The following GRM7 variants were observed in gnomAD, a reference collection of about 807,000 sequenced individuals.
GRM7 encodes glutamate metabotropic receptor 7, also known as metabotropic glutamate receptor 7.
In GRM7, 35 loss-of-function variants were observed where a neutral mutation model predicts 84.5. The observed-to-expected ratio is 0.41, with a 90% CI of 0.32 to 0.55. The LOEUF is 0.55. Ranked by LOEUF, GRM7 falls within the 20% of genes least tolerant of loss-of-function variation. The pLI is 0.19. For synonymous variants in GRM7, 487 were observed against 455.1 expected (o/e 1.07, Z -0.89); for missense variants, 1,003 against 1,194.6 (o/e 0.84, Z 2.36).
chr3:7,054,609 AG>A (rs2124960240), intron 1 of GRM7, among the ~76,000 whole-genome samples: 1 of 152,052 alleles, frequency 6.6e-6, no homozygotes, highest in Non-Finnish European at 1.5e-5. Context: ...GGTTGAAGAA[AG>A]TCACTTCTGT....
intron 5 of GRM7, among the ~76,000 whole-genome samples, chr3:7,425,156 G>A (rs1696555216): frequency 6.6e-6 from 1 of 152,130 alleles, no homozygotes; most frequent in African/African-American, 2.4e-5. Context: ...AGGCACATAA[G>A]GGCTCGTAGT....
At chr3:7,694,533 C>T (rs1447719103) in intron 9 of GRM7, 1 of 195,340 alleles carries the variant, frequency 5.1e-6, no homozygotes, top group Non-Finnish European at 9.3e-6. Flanking sequence ...AACACATCTC[C>T]TGTCTTGTCT....
intron 4 of GRM7, among the ~76,000 whole-genome samples, chr3:7,331,012 C>G (rs60232241): frequency 0.013 from 2,053 of 152,284 alleles, 46 homozygotes; most frequent in African/African-American, 0.047. Flanking sequence ...AGCTTGCTAT[C>G]TTACTTACCT....
chr3:7,334,520 A>C (rs1306405586), intron 4 of GRM7, among the ~76,000 whole-genome samples: 1 of 152,062 alleles, frequency 6.6e-6, no homozygotes, highest in Non-Finnish European at 1.5e-5. Flanking sequence ...AAAACACAAC[A>C]TACATAGGCA....
chr3:7,048,308 G>T (rs1219336733), intron 1 of GRM7, among the ~76,000 whole-genome samples: 10 of 151,808 alleles, frequency 6.6e-5, no homozygotes, highest in African/African-American at 2.2e-4. Context: ...TAAATATTTA[G>T]ATTTTTTATT....
At chr3:7,412,192 C>T (rs1695968967) in intron 4 of GRM7, among the ~76,000 whole-genome samples, 1 of 152,150 alleles carries the variant, frequency 6.6e-6, no homozygotes, top group Admixed American at 6.5e-5. Context: ...GAAGCAGACC[C>T]TCTGTTTATA....
At chr3:6,977,803 G>A (rs1436677956) in intron 1 of GRM7, among the ~76,000 whole-genome samples, 2 of 152,074 alleles carry the variant, frequency 1.3e-5, no homozygotes, top group Admixed American at 6.6e-5. Context: ...ATAAATTCTT[G>A]GAAAAGTGTT....
chr3:6,958,399 G>T (rs780175478), intron 1 of GRM7, among the ~76,000 whole-genome samples: 1 of 152,140 alleles, frequency 6.6e-6, no homozygotes, highest in Non-Finnish European at 1.5e-5. Flanking sequence ...CTGTGAGGGT[G>T]TACTACAATT....
chr3:7,410,843 C>T (rs1695905599), intron 4 of GRM7, among the ~76,000 whole-genome samples: 1 of 152,080 alleles, frequency 6.6e-6, no homozygotes, highest in East Asian at 1.9e-4. Flanking sequence ...AAGGTGTATT[C>T]CTTTCCTAAG....
At chr3:6,911,256 C>T (rs1015975688) in intron 1 of GRM7, among the ~76,000 whole-genome samples, 9 of 152,216 alleles carry the variant, frequency 5.9e-5, no homozygotes, top group African/African-American at 2.2e-4. Context: ...CTCCCTCAGC[C>T]TTTATTTGGC....
chr3:7,010,228 A>T (rs1462883191), intron 1 of GRM7, among the ~76,000 whole-genome samples: 4 of 152,258 alleles, frequency 2.6e-5, no homozygotes, highest in Non-Finnish European at 5.9e-5. Flanking sequence ...AGGCAGGCAG[A>T]TTGCCTGAGC....
intron 4 of GRM7, among the ~76,000 whole-genome samples, chr3:7,385,065 G>T (rs1292313585): frequency 1.3e-5 from 2 of 152,046 alleles, no homozygotes; most frequent in African/African-American, 4.8e-5. Context: ...TTCCCTTAGG[G>T]CTAAAGAAAG....
intron 4 of GRM7, among the ~76,000 whole-genome samples, chr3:7,323,789 A>G (rs1348598400): frequency 6.6e-6 from 1 of 152,222 alleles, no homozygotes; most frequent in Non-Finnish European, 1.5e-5. Flanking sequence ...CAATGACAGT[A>G]GTGAACTTCT....
intron 8 of GRM7, among the ~76,000 whole-genome samples, chr3:7,598,463 T>C (rs1041414884): frequency 3.9e-5 from 6 of 152,110 alleles, no homozygotes; most frequent in Non-Finnish European, 2.9e-5. Context: ...TCCAGCATTC[T>C]CCCCAGCAAA....
intron 1 of GRM7, among the ~76,000 whole-genome samples, chr3:7,103,816 T>TTCTCTCTCTGTCTCTCTCTCCCTC (rs1699203409): frequency 1.1e-5 from 1 of 89,058 alleles, no homozygotes; most frequent in African/African-American, 4.8e-5. Context: ...CTTTCTTTCT[T>TTCTCTCTCTGTCTCTCTCTCCCTC]TCTCTCTCTC....
intron 7 of GRM7, among the ~76,000 whole-genome samples, chr3:7,514,212 A>G (rs1414292077): frequency 6.6e-6 from 1 of 152,204 alleles, no homozygotes; most frequent in Non-Finnish European, 1.5e-5. Context: ...AACACATCCT[A>G]TACAAAAATC....
chr3:7,081,663 G>C (rs1056660918), intron 1 of GRM7, among the ~76,000 whole-genome samples: 2 of 152,166 alleles, frequency 1.3e-5, no homozygotes, highest in African/African-American at 4.8e-5. Context: ...GCTGAGATAG[G>C]CCAAAATCTA....
intron 1 of GRM7, among the ~76,000 whole-genome samples, chr3:7,066,662 A>T (rs11712378): frequency 0.26 from 39,458 of 151,774 alleles, 5,893 homozygotes; most frequent in African/African-American, 0.41. Flanking sequence ...AACTCTCCCT[A>T]ATTCAGCTAT....
intron 7 of GRM7, chr3:7,519,789 T>C (rs951715766): frequency 2.6e-5 from 4 of 152,240 alleles, no homozygotes; most frequent in African/African-American, 9.6e-5. Flanking sequence ...TGGGGATAAC[T>C]TGTCTTAGCG....
Sources: allele counts gnomAD v4.1 joint callset (sites outside exome capture counted in the v4.1 genomes callset), GRCh38; gene constraint gnomAD v4.1.1; transcripts MANE v1.5; gene names NCBI Gene and HGNC (gene_info 2026-07-23, HGNC 2026-07-21).